Variants in PLD5 observed in about 807,000 individuals in gnomAD.
The protein encoded by PLD5 is inactive phospholipase D5.
PLD5 carries 36 observed loss-of-function variants against 61.1 expected under a neutral mutation model. That is an observed-to-expected ratio of 0.59 (90% confidence interval 0.45 to 0.78). PLD5 has a LOEUF of 0.78. Among genes scored for constraint, PLD5 ranks in the 30% least tolerant of loss-of-function variants. The pLI, the probability that PLD5 is intolerant of heterozygous loss-of-function variation, is 0.00. For missense variants in PLD5, 515 were observed against 644.4 expected, an observed-to-expected ratio of 0.80 and a Z score of 2.17; for synonymous variants, 243 against 242.8, an observed-to-expected ratio of 1.00 and a Z score of -0.01.
At chr1:242,496,769 C>T (rs1487490288) in intron 1 of PLD5, among the ~76,000 whole-genome samples, 1 of 152,174 alleles carries the variant, frequency 6.6e-6, no homozygotes, top group Admixed American at 6.5e-5. Context: ...TAATATCTGC[C>T]CTCACAAAAC....
At chr1:242,493,606 C>T (rs935249341) in intron 1 of PLD5, among the ~76,000 whole-genome samples, 7 of 152,238 alleles carry the variant, frequency 4.6e-5, no homozygotes, top group South Asian at 2.1e-4. Context: ...ACATGGCCAC[C>T]GAGGATAGCT....
intron 1 of PLD5, among the ~76,000 whole-genome samples, chr1:242,456,641 A>G (rs1245313194): frequency 6.6e-6 from 1 of 152,242 alleles, no homozygotes; most frequent in Non-Finnish European, 1.5e-5. Flanking sequence ...GATGGTCTAT[A>G]TCAGAGACTG....
chr1:242,390,681 A>G (rs1477938083), intron 1 of PLD5, among the ~76,000 whole-genome samples: 1 of 152,192 alleles, frequency 6.6e-6, no homozygotes, highest in Non-Finnish European at 1.5e-5. Context: ...GTAAAAACAT[A>G]AAGTTCCTGT....
intron 6 of PLD5, among the ~76,000 whole-genome samples, chr1:242,115,189 GAAAA>G (rs952553989): frequency 6.8e-6 from 1 of 147,848 alleles, no homozygotes; most frequent in African/African-American, 2.6e-5. Context: ...AAAGAAAAAA[GAAAA>G]AAAAGAAAAA....
chr1:242,411,309 C>T (rs1443790430), intron 1 of PLD5, among the ~76,000 whole-genome samples: 4 of 152,212 alleles, frequency 2.6e-5, no homozygotes, highest in Non-Finnish European at 5.9e-5. Flanking sequence ...GATCTCGGCT[C>T]ACTGCAAGCT....
chr1:242,141,131 C>T (rs973390086), intron 5 of PLD5, among the ~76,000 whole-genome samples: 1 of 152,166 alleles, frequency 6.6e-6, no homozygotes, highest in African/African-American at 2.4e-5. Context: ...CAGCTGGCTC[C>T]TTCCTTTCTC....
chr1:242,393,212 A>G (rs1198927365), intron 1 of PLD5, among the ~76,000 whole-genome samples: 2 of 106,070 alleles, frequency 1.9e-5, no homozygotes, highest in African/African-American at 7.7e-5. Flanking sequence ...AAAAAAATAT[A>G]TATATATATA....
At chr1:242,138,176 A>G (rs542828984) in intron 5 of PLD5, among the ~76,000 whole-genome samples, 5 of 152,232 alleles carry the variant, frequency 3.3e-5, no homozygotes, top group South Asian at 2.1e-4. Flanking sequence ...ATTTAATCCA[A>G]TAATTAAATA....
intron 8 of PLD5, among the ~76,000 whole-genome samples, chr1:242,106,238 T>TG (rs1384101193): frequency 3.3e-5 from 5 of 152,126 alleles, no homozygotes; most frequent in Non-Finnish European, 7.4e-5. Context: ...TGGTGTGTGG[T>TG]GGGGAATTGT....
At chr1:242,417,901 C>T (rs1029880098) in intron 1 of PLD5, among the ~76,000 whole-genome samples, 3 of 152,064 alleles carry the variant, frequency 2.0e-5, no homozygotes, top group African/African-American at 4.8e-5. Flanking sequence ...CAAGCTTTAC[C>T]CCAAGTGAAA....
chr1:242,481,911 T>A (rs930502644), intron 1 of PLD5, among the ~76,000 whole-genome samples: 8 of 152,198 alleles, frequency 5.3e-5, no homozygotes, highest in Non-Finnish European at 8.8e-5. Context: ...CAGTATCCAC[T>A]GTTCTGCAGC....
intron 5 of PLD5, chr1:242,178,327 T>C (rs1667299809): frequency 6.6e-6 from 1 of 152,252 alleles, no homozygotes; most frequent in South Asian, 2.1e-4. Flanking sequence ...AGTCCACTTC[T>C]GCCGGCAGAA....
chr1:242,121,635 T>A (rs866305046), intron 6 of PLD5, among the ~76,000 whole-genome samples: 1 of 152,164 alleles, frequency 6.6e-6, no homozygotes, highest in Admixed American at 6.6e-5. Flanking sequence ...TAAAGACACA[T>A]GCACACATAT....
At chr1:242,366,277 A>G (rs900082920) in intron 1 of PLD5, among the ~76,000 whole-genome samples, 4 of 152,240 alleles carry the variant, frequency 2.6e-5, no homozygotes, top group African/African-American at 9.6e-5. Flanking sequence ...AACAGGGAAG[A>G]TAATTTTTCA....
At chr1:242,204,568 C>T (rs1444454395) in intron 5 of PLD5, among the ~76,000 whole-genome samples, 7 of 152,136 alleles carry the variant, frequency 4.6e-5, no homozygotes, top group African/African-American at 1.7e-4. Flanking sequence ...TTCCCCTGAT[C>T]TAGTGACCTA....
At chr1:242,124,873 A>G (rs540653353) in intron 5 of PLD5, among the ~76,000 whole-genome samples, 1 of 152,336 alleles carries the variant, frequency 6.6e-6, no homozygotes, top group Admixed American at 6.5e-5. Context: ...TTTTTGTATT[A>G]GGTCTCTAAT....
chr1:242,401,457 T>G (rs949081857), intron 1 of PLD5, among the ~76,000 whole-genome samples: 14 of 152,104 alleles, frequency 9.2e-5, no homozygotes, highest in Admixed American at 1.3e-4. Context: ...ATACTTGGGA[T>G]TAAACACAGA....
chr1:242,345,888 GT>G (rs1438281376), intron 2 of PLD5, among the ~76,000 whole-genome samples: 1 of 151,678 alleles, frequency 6.6e-6, no homozygotes, highest in African/African-American at 2.4e-5. Context: ...CAAGATACCA[GT>G]TCCAGGACAG....
intron 5 of PLD5, among the ~76,000 whole-genome samples, chr1:242,202,214 AAAAAACAAAAAC>A (rs764219731): frequency 7.2e-5 from 11 of 151,912 alleles, no homozygotes; most frequent in Non-Finnish European, 1.6e-4. Flanking sequence ...CTCTGTATCC[AAAAAACAAAAAC>A]AAAAACAAAA....
Sources: gnomAD v4.1 joint callset for allele counts (sites outside exome capture counted in the v4.1 genomes callset) on GRCh38, gnomAD v4.1.1 for gene constraint, MANE v1.5 for transcripts, NCBI Gene and HGNC (gene_info 2026-07-23, HGNC 2026-07-21) for gene names.